The following DLGAP2 variants were observed in gnomAD, a reference collection of about 807,000 sequenced individuals.
The protein encoded by DLGAP2 is disks large-associated protein 2.
A neutral mutation model predicts 100.3 loss-of-function variants in DLGAP2; 26 were observed. The ratio of observed to expected loss-of-function variants is 0.26; its 90% confidence interval spans 0.19 to 0.36. The LOEUF is 0.36. Ranked by LOEUF, DLGAP2 falls within the 10% of genes least tolerant of loss-of-function variation. DLGAP2 has a pLI of 1.00. For synonymous variants in DLGAP2, 886 were observed against 630.1 expected (o/e 1.41, Z -6.08); for missense variants, 1,858 against 1,453.2 (o/e 1.28, Z -4.53).
At chr8:794,673 G>A (rs570623658) in intron 1 of DLGAP2, among the ~76,000 whole-genome samples, 4 of 152,206 alleles carry the variant, frequency 2.6e-5, no homozygotes, top group Admixed American at 6.5e-5. Context: ...TCCAGCTTGG[G>A]CATTAGGGCC....
intron 3 of DLGAP2, among the ~76,000 whole-genome samples, chr8:1,353,463 G>A (rs1801780980): frequency 6.6e-6 from 1 of 152,196 alleles, no homozygotes; most frequent in African/African-American, 2.4e-5. Flanking sequence ...CTTTGTGCCG[G>A]ATGATCTTGC....
chr8:1,409,576 G>A lies in DLGAP2; in HGVS notation c.107-91790G>A, dbSNP rs115198573. ...CACCGTGTGATGGTGAATCTTCTCC[G>A]TCACCTAGACTGGGATAGGGGATGC... On this transcript the variant is annotated intron_variant, in intron 3 of 14. Transcript: ENST00000637795. 9.2e-3 allele frequency among the ~76,000 whole-genome samples: 1,391 copies of A among 151,336 alleles called. 22 individuals carry two copies. Among genetic ancestry groups the A allele is most frequent in the African/African-American group, 0.031 (1,305 of 41,562 alleles).
intron 2 of DLGAP2, among the ~76,000 whole-genome samples, chr8:1,131,561 C>G (rs1303943456): frequency 1.3e-5 from 2 of 152,160 alleles, no homozygotes; most frequent in Non-Finnish European, 2.9e-5. Flanking sequence ...CTCTTACCGT[C>G]CCACTGGAGG....
chr8:1,206,123 T>C (rs1797984304), intron 2 of DLGAP2, among the ~76,000 whole-genome samples: 1 of 152,206 alleles, frequency 6.6e-6, no homozygotes, highest in South Asian at 2.1e-4. Context: ...GTGATGTTAC[T>C]GTGAGCTGCT....
At chr8:1,690,984 C>T (rs905453057) in intron 12 of DLGAP2, among the ~76,000 whole-genome samples, 1 of 152,158 alleles carries the variant, frequency 6.6e-6, no homozygotes, top group Non-Finnish European at 1.5e-5. Context: ...CCTCTGTCCA[C>T]GCAGCCTCTT....
Position 1,374,668 on chromosome 8 carries a change from G to T in DLGAP2, c.106+115785G>T, listed in dbSNP as rs559671534. Among the ~76,000 whole-genome samples the T allele has an allele frequency of 5.9e-5, 9 of 152,290 alleles. No homozygotes were observed. In the South Asian group the frequency reaches 1.9e-3, roughly 32 times the overall value. ...AGATTTGAACTCCAAGTTCATTTCT[G>T]AGTCGTTTGGATTCTGTAATTATTC... is the stretch of plus-strand genomic sequence containing the variant. On this transcript the variant is annotated intron_variant, in intron 3 of 14. Transcript: ENST00000637795.
chr8:1,577,429 G>A (rs1315560171), intron 6 of DLGAP2, among the ~76,000 whole-genome samples: 9 of 151,980 alleles, frequency 5.9e-5, no homozygotes, highest in Non-Finnish European at 1.2e-4. Flanking sequence ...ATTAGCTGGT[G>A]TAGTGGCACA....
chr8:1,344,967 G>A (rs564794698), intron 3 of DLGAP2, among the ~76,000 whole-genome samples: 2 of 152,330 alleles, frequency 1.3e-5, no homozygotes, highest in South Asian at 2.1e-4. Context: ...CTACCAGAGG[G>A]CTAGACCGCC....
intron 6 of DLGAP2, among the ~76,000 whole-genome samples, chr8:1,573,739 T>G (rs1802848848): frequency 6.6e-6 from 1 of 152,138 alleles, no homozygotes; most frequent in Admixed American, 6.5e-5. Context: ...AAAGTTTTAT[T>G]GGAATGTGGC....
intron 2 of DLGAP2, among the ~76,000 whole-genome samples, chr8:1,257,192 A>G (rs1799243191): frequency 1.3e-5 from 2 of 151,704 alleles, no homozygotes; most frequent in African/African-American, 2.4e-5. Context: ...TTTCCTTTCC[A>G]CCAACCCTCT....
chr8:1,163,384 C>G (rs1206898701), intron 2 of DLGAP2, among the ~76,000 whole-genome samples: 2 of 152,222 alleles, frequency 1.3e-5, no homozygotes, highest in African/African-American at 2.4e-5. Context: ...GTCCGCGGTT[C>G]CGGCTGGAGA....
chr8:1,207,626 C>G (rs969605860), intron 2 of DLGAP2, among the ~76,000 whole-genome samples: 2 of 152,186 alleles, frequency 1.3e-5, no homozygotes, highest in African/African-American at 4.8e-5. Flanking sequence ...ACTTTTAGTT[C>G]TTTAAGGAGT....
At chr8:1,343,718 G>A (rs1801473040) in intron 3 of DLGAP2, among the ~76,000 whole-genome samples, 1 of 150,888 alleles carries the variant, frequency 6.6e-6, no homozygotes, top group Admixed American at 6.6e-5. Flanking sequence ...CGTGGGGGGT[G>A]TTAGAGGCTC....
intron 1 of DLGAP2, among the ~76,000 whole-genome samples, chr8:906,082 G>C (rs1273223901): frequency 6.6e-6 from 1 of 152,236 alleles, no homozygotes; most frequent in Non-Finnish European, 1.5e-5. Context: ...AAGTTCCACT[G>C]TGGACGTGCG....
intron 1 of DLGAP2, among the ~76,000 whole-genome samples, chr8:889,654 C>T (rs532950329): frequency 4.6e-5 from 7 of 152,328 alleles, no homozygotes; most frequent in African/African-American, 7.2e-5. Context: ...AGGGGAAGAG[C>T]GCAGCCTGGA....
chr8:1,172,400 C>A (rs532151329), intron 2 of DLGAP2, among the ~76,000 whole-genome samples: 14 of 151,436 alleles, frequency 9.2e-5, no homozygotes, highest in African/African-American at 3.4e-4. Flanking sequence ...TTGTGGCGTT[C>A]TCTGTATTTC....
intron 2 of DLGAP2, among the ~76,000 whole-genome samples, chr8:1,149,823 TC>T (rs527824313): frequency 3.9e-5 from 6 of 152,304 alleles, no homozygotes; most frequent in Admixed American, 3.9e-4. Flanking sequence ...ACTTTCACTT[TC>T]AGTAGTTCCT....
intron 2 of DLGAP2, among the ~76,000 whole-genome samples, chr8:1,162,671 T>C (rs1045372601): frequency 3.9e-5 from 6 of 152,276 alleles, no homozygotes; most frequent in Non-Finnish European, 5.9e-5. Context: ...TATTTTTATT[T>C]CATAATATTA....
intron 3 of DLGAP2, among the ~76,000 whole-genome samples, chr8:1,333,604 C>G (rs933795548): frequency 6.6e-6 from 1 of 152,172 alleles, no homozygotes; most frequent in Non-Finnish European, 1.5e-5. Context: ...ATATCAAGCC[C>G]TCATAATAGG....
Sources: allele counts gnomAD v4.1 joint callset (sites outside exome capture counted in the v4.1 genomes callset), GRCh38; gene constraint gnomAD v4.1.1; transcripts MANE v1.5; gene names NCBI Gene and HGNC (gene_info 2026-07-23, HGNC 2026-07-21).